The following ATP8A2 variants were observed in gnomAD, a reference collection of about 807,000 sequenced individuals.
The protein encoded by ATP8A2 is ATPase phospholipid transporting 8A2.
A neutral mutation model predicts 165.6 loss-of-function variants in ATP8A2; 100 were observed. The ratio of observed to expected loss-of-function variants is 0.60; its 90% CI spans 0.51 to 0.71. The LOEUF (loss-of-function observed/expected upper bound fraction) is 0.71. Ranked by LOEUF, ATP8A2 falls within the 30% of genes least tolerant of loss-of-function variation. The pLI is 0.00. For synonymous variants in ATP8A2, 543 were observed against 548.8 expected (o/e 0.99, Z 0.15); for missense variants, 1,227 against 1,479.5 (o/e 0.83, Z 2.80).
intron 11 of ATP8A2, among the ~76,000 whole-genome samples, chr13:25,553,519 TTTC>T (rs2038886611): frequency 6.6e-6 from 1 of 152,340 alleles, no homozygotes; most frequent in South Asian, 2.1e-4. Flanking sequence ...GAAAGCAGCA[TTTC>T]TTCTTCTGGA....
intron 33 of ATP8A2, among the ~76,000 whole-genome samples, chr13:25,906,676 A>G (rs1455224038): frequency 2.0e-5 from 3 of 151,732 alleles, no homozygotes; most frequent in Non-Finnish European, 4.4e-5. Context: ...CACTGCTTCT[A>G]CTTAACTATT....
At chr13:25,707,831 A>G (rs893945410) in intron 25 of ATP8A2, among the ~76,000 whole-genome samples, 3 of 152,180 alleles carry the variant, frequency 2.0e-5, no homozygotes, top group Non-Finnish European at 4.4e-5. Context: ...GTACCTTCAC[A>G]CTAGTGTTTG....
chr13:25,618,742 C>G (rs1319149463), intron 24 of ATP8A2, among the ~76,000 whole-genome samples: 1 of 143,000 alleles, frequency 7.0e-6, no homozygotes, highest in Non-Finnish European at 1.5e-5. Context: ...TTTCATGCTA[C>G]TGGGAGCAAG....
At chr13:25,378,849 TGG>T (rs1341359731) in intron 1 of ATP8A2, among the ~76,000 whole-genome samples, 1 of 152,246 alleles carries the variant, frequency 6.6e-6, no homozygotes, top group Admixed American at 6.5e-5. Context: ...GAAGTGAGTC[TGG>T]TGCTGTGAGA....
chr13:25,551,220 CA>C, intron 10 of ATP8A2, 117 bp from the exon 11 acceptor site: 12 of 993,124 alleles, frequency 1.2e-5, no homozygotes, highest in South Asian at 3.5e-5. Context: ...GATTATTTGG[CA>C]AAAAAATAGT....
intron 1 of ATP8A2, among the ~76,000 whole-genome samples, chr13:25,404,894 A>G (rs1341714590): frequency 2.6e-5 from 4 of 152,118 alleles, no homozygotes; most frequent in Admixed American, 6.5e-5. Context: ...AGGCGAGGAA[A>G]AAGTGCCCTG....
intron 35 of ATP8A2, 137 bp from the exon 36 acceptor site, chr13:26,012,393 CG>C: frequency 3.0e-6 from 2 of 673,568 alleles, no homozygotes; most frequent in Admixed American, 6.3e-5. Context: ...CTGGAAATCA[CG>C]GGCCGCTGGT....
At position 25,989,589 on chromosome 13, in the gene ATP8A2, A is replaced by G. The variant is rs184065786; in HGVS notation, c.3377+20910A>G. On this transcript the variant is annotated intron_variant, in intron 35 of 36. Transcript: ENST00000381655. The stretch of plus-strand genomic sequence containing the variant: ...ACTTTGGGAAATTATATTCCAGCCC[A>G]AAGCCTTGCTTCAGAAACTCTCCTT... Among the ~76,000 whole-genome samples, 95 of 152,344 alleles carry G rather than the reference A, an allele frequency of 6.2e-4. No individual in the cohort carries two copies. In the South Asian group the frequency reaches 6.6e-3, roughly 11 times the overall value.
intron 25 of ATP8A2, among the ~76,000 whole-genome samples, chr13:25,716,043 G>A (rs2138005090): frequency 6.6e-6 from 1 of 152,232 alleles, no homozygotes; most frequent in African/African-American, 2.4e-5. Context: ...ATTTCACTGT[G>A]GTTTTGATTT....
chr13:25,441,304 T>C (rs2034925785), intron 1 of ATP8A2, among the ~76,000 whole-genome samples: 1 of 152,182 alleles, frequency 6.6e-6, no homozygotes, highest in African/African-American at 2.4e-5. Flanking sequence ...CTGATGAAAA[T>C]TCTAGTTAGG....
intron 33 of ATP8A2, among the ~76,000 whole-genome samples, chr13:25,911,914 A>G (rs1023570823): frequency 6.6e-6 from 1 of 152,212 alleles, no homozygotes; most frequent in African/African-American, 2.4e-5. Flanking sequence ...TGTACACTGT[A>G]GTTTGGAATG....
intron 24 of ATP8A2, among the ~76,000 whole-genome samples, chr13:25,660,295 G>T (rs577196497): frequency 6.4e-4 from 97 of 152,188 alleles, no homozygotes; most frequent in African/African-American, 2.1e-3. Flanking sequence ...GAATATAAAT[G>T]GGCCCCAAAG....
intron 25 of ATP8A2, among the ~76,000 whole-genome samples, chr13:25,735,668 G>A (rs1290598542): frequency 5.3e-5 from 8 of 152,150 alleles, no homozygotes; most frequent in South Asian, 2.1e-4. Context: ...TTGTATAGTC[G>A]TGCACCATAT....
At chr13:25,945,293 A>T (rs1166608387) in intron 33 of ATP8A2, among the ~76,000 whole-genome samples, 3 of 81,338 alleles carry the variant, frequency 3.7e-5, no homozygotes, top group African/African-American at 1.5e-4. Flanking sequence ...CTACTTATTG[A>T]TGAGGTTCTG....
chr13:25,510,736 T>C lies in ATP8A2; in HGVS notation c.222-19263T>C, dbSNP rs576465852. On this transcript the variant is annotated intron_variant, in intron 2 of 36. Transcript: ENST00000381655. ...TAGCTCTTTTGTGGTGGAAGCAGTA[T>C]AGAAACAAACTGGGTCTTTAGTCTG... 2.0e-5 allele frequency among the ~76,000 whole-genome samples: 3 copies of C among 152,276 alleles called. No homozygotes were observed. In the South Asian group the frequency reaches 6.2e-4, roughly 32 times the overall value.
At chr13:25,959,338 G>A (rs1054407494) in intron 33 of ATP8A2, among the ~76,000 whole-genome samples, 18 of 152,178 alleles carry the variant, frequency 1.2e-4, no homozygotes, top group African/African-American at 2.7e-4. Flanking sequence ...TCCATATACC[G>A]TTCCATGCAT....
rs9581343 is a variant in ATP8A2 at position 25,418,705 on chromosome 13, A to T, written c.76+46417A>T. Among the ~76,000 whole-genome samples, 1,143 of 152,266 alleles carry T rather than the reference A, an allele frequency of 7.5e-3. 15 individuals are homozygous for T. Among genetic ancestry groups the T allele is most frequent in the African/African-American group, 0.026 (1,101 of 41,556 alleles). ...ATTTGCATGTCTACAGACAAGGATG[A>T]TTTTGTATCGCCTTCCGAGATCCAC... On this transcript the variant is annotated intron_variant, in intron 1 of 36. Transcript: ENST00000381655.
chr13:25,902,692 G>C (rs949101898), intron 33 of ATP8A2, among the ~76,000 whole-genome samples: 2 of 151,698 alleles, frequency 1.3e-5, no homozygotes, highest in Non-Finnish European at 2.9e-5. Flanking sequence ...TCCTACATTT[G>C]CCCTTGACTG....
At chr13:25,572,342 T>C (rs2039491255) in intron 18 of ATP8A2, among the ~76,000 whole-genome samples, 1 of 152,238 alleles carries the variant, frequency 6.6e-6, no homozygotes, top group Admixed American at 6.5e-5. Flanking sequence ...TTTTGCCATG[T>C]TGGCCAGGCT....
Sources: gnomAD v4.1 joint callset for allele counts (sites outside exome capture counted in the v4.1 genomes callset) on GRCh38, gnomAD v4.1.1 for gene constraint, MANE v1.5 for transcripts, NCBI Gene and HGNC (gene_info 2026-07-23, HGNC 2026-07-21) for gene names.